Variants in SLCO5A1 observed in about 807,000 individuals in gnomAD.
The protein encoded by SLCO5A1 is organic anion transporter polypeptide-related protein 4.
Under a neutral mutation model 65.1 loss-of-function variants are expected in SLCO5A1, and 39 were observed. That is an observed-to-expected ratio of 0.60 (90% CI 0.46 to 0.78). The LOEUF is 0.78. SLCO5A1 is among the 30% of genes least tolerant of loss of function. The probability of loss-of-function intolerance (pLI) is 0.00; values close to 1 mark genes in which losing one functional copy is unlikely to be tolerated. For missense variants in SLCO5A1, 1,029 were observed against 1,069.4 expected, an observed-to-expected ratio of 0.96 and a Z score of 0.53; for synonymous variants, 438 against 415.7, an observed-to-expected ratio of 1.05 and a Z score of -0.65.
chr8:69,692,119 G>A (rs759452438), intron 6 of SLCO5A1, among the ~76,000 whole-genome samples: 14 of 152,134 alleles, frequency 9.2e-5, no homozygotes, highest in Non-Finnish European at 1.8e-4. Context: ...TGTGGTGGCG[G>A]GCGCCTGTAA....
In SLCO5A1 at chr8:69,738,161, G is replaced by A. The variant is rs759742123; in HGVS notation, c.1302C>T (p.Phe434=). 2 of 1,613,492 alleles carry A rather than the reference G, an allele frequency of 1.2e-6. No homozygotes were observed. The highest frequency in any genetic ancestry group is 1.7e-6 in the Non-Finnish European group (2 of 1,179,668). The change falls in exon 5 of 10, where the codon TTC becomes TTT. Residue 434 remains phenylalanine, a synonymous_variant. Transcript: ENST00000260126. ...CTGTGTATGACAAACTCACAAAAAG[G>A]AATGTCATGTTGCTTAAGATCCTGA... The part of the protein sequence containing the change: ...AAVRILSNMT[F]LFVSLSYTAE...
intron 2 of SLCO5A1, among the ~76,000 whole-genome samples, chr8:69,823,955 A>C (rs1455181295): frequency 1.3e-5 from 2 of 152,220 alleles, no homozygotes; most frequent in Non-Finnish European, 2.9e-5. Flanking sequence ...TCAAACTAGA[A>C]CTCAGGATTA....
At chr8:69,814,486 GTCAGAACAGCTATTA>G (rs1396979895) in intron 2 of SLCO5A1, among the ~76,000 whole-genome samples, 1 of 152,244 alleles carries the variant, frequency 6.6e-6, no homozygotes, top group Non-Finnish European at 1.5e-5. Context: ...ACTCACACCT[GTCAGAACAGCTATTA>G]TCATCAAGTT....
intron 3 of SLCO5A1, among the ~76,000 whole-genome samples, chr8:69,758,617 G>T (rs998203656): frequency 6.6e-6 from 1 of 152,060 alleles, no homozygotes; most frequent in Non-Finnish European, 1.5e-5. Flanking sequence ...GAGAAATACA[G>T]CAAATAAACA....
At position 69,832,874 on chromosome 8, in the gene SLCO5A1, C is replaced by T; in HGVS notation, c.-201G>A. 1.6e-6 allele frequency: 1 copy of T among 627,142 alleles called. No individual in the cohort carries two copies. Among genetic ancestry groups the T allele is most frequent in the Admixed American group, 3.3e-5 (1 of 30,644 alleles). 38.8% of individuals were successfully genotyped at this position (627,142 alleles called of 1,614,324 possible). ...CCTGATCACAGACACGGCTTCAAGG[C>T]TCCGCAGCCGCGTGCCACAGGGGGC... On this transcript the variant is annotated 5_prime_UTR_variant, in exon 2 of 10. Coordinates refer to ENST00000260126, the MANE Select transcript of SLCO5A1 (RefSeq NM_030958.3). This position sits in a 1 kb window ranked among gnomAD's most constrained non-coding sequence, Gnocchi z 4.5.
intron 5 of SLCO5A1, among the ~76,000 whole-genome samples, chr8:69,732,415 C>G (rs1339021520): frequency 6.6e-6 from 1 of 152,156 alleles, no homozygotes; most frequent in African/African-American, 2.4e-5. Flanking sequence ...GCTGAAAGAT[C>G]ACAGTGCTCT....
chr8:69,750,436 C>T (rs1289856625), intron 4 of SLCO5A1, among the ~76,000 whole-genome samples: 1 of 152,100 alleles, frequency 6.6e-6, no homozygotes, highest in Non-Finnish European at 1.5e-5. Flanking sequence ...CCCCATTCCC[C>T]GTTAGAAAAG....
intron 5 of SLCO5A1, among the ~76,000 whole-genome samples, chr8:69,707,968 A>G (rs894377082): frequency 6.6e-6 from 1 of 152,222 alleles, no homozygotes; most frequent in African/African-American, 2.4e-5. Context: ...ATCAACAAAG[A>G]GCTGGCTGGG....
chr8:69,684,233 G>GC (rs561564644), intron 6 of SLCO5A1, among the ~76,000 whole-genome samples: 135 of 152,088 alleles, frequency 8.9e-4, no homozygotes, highest in Non-Finnish European at 1.5e-3. Context: ...GGTCAATTTT[G>GC]CCCCCCCAGG....
intron 4 of SLCO5A1, among the ~76,000 whole-genome samples, chr8:69,753,642 A>G (rs924009386): frequency 2.6e-5 from 4 of 152,176 alleles, no homozygotes; most frequent in African/African-American, 7.2e-5. Context: ...ACCCTAAGCT[A>G]TAAAACATAT....
At chr8:69,679,171 C>T (rs747755960) in intron 8 of SLCO5A1, among the ~76,000 whole-genome samples, 4 of 152,198 alleles carry the variant, frequency 2.6e-5, no homozygotes, top group Non-Finnish European at 4.4e-5. Flanking sequence ...AAAGAACTTT[C>T]CAAAGTATGA....
chr8:69,745,530 T>G (rs968724867), intron 4 of SLCO5A1, among the ~76,000 whole-genome samples: 1 of 152,200 alleles, frequency 6.6e-6, no homozygotes, highest in African/African-American at 2.4e-5. Context: ...TACCCCAAAA[T>G]GTACATTTCT....
chr8:69,727,816 G>A (rs369279191), intron 5 of SLCO5A1, among the ~76,000 whole-genome samples: 2 of 152,332 alleles, frequency 1.3e-5, no homozygotes, highest in Non-Finnish European at 2.9e-5. Flanking sequence ...AGGAAAGAGC[G>A]TGGGAAGGAT....
At chr8:69,817,498 T>C (rs1267858258) in intron 2 of SLCO5A1, among the ~76,000 whole-genome samples, 2 of 152,246 alleles carry the variant, frequency 1.3e-5, no homozygotes, top group Non-Finnish European at 2.9e-5. Context: ...TTTGGATCTA[T>C]ACCAGAATTG....
chr8:69,759,342 T>C (rs1381586249), intron 3 of SLCO5A1, among the ~76,000 whole-genome samples: 1 of 152,200 alleles, frequency 6.6e-6, no homozygotes, highest in Non-Finnish European at 1.5e-5. Flanking sequence ...TTATCATGTA[T>C]AGAACTAACA....
At chr8:69,786,167 A>G (rs1238429290) in intron 2 of SLCO5A1, among the ~76,000 whole-genome samples, 1 of 152,218 alleles carries the variant, frequency 6.6e-6, no homozygotes, top group Non-Finnish European at 1.5e-5. Flanking sequence ...GTATATAAAA[A>G]TGTCAACTGT....
chr8:69,676,689 A>G lies in SLCO5A1; in HGVS notation c.2025-16T>C, dbSNP rs1340626106. 1 of 1,605,904 alleles carries G rather than the reference A, an allele frequency of 6.2e-7. No homozygotes were observed. The highest frequency in any genetic ancestry group is 8.5e-7 in the Non-Finnish European group (1 of 1,175,256). On this transcript the variant is annotated splice_polypyrimidine_tract_variant and intron_variant, in intron 8 of 9. Transcript: ENST00000260126. ...TTCTACGGACCTACAGTGAAGGGAA[A>G]GAAGGAAATGCATTTTAAATAGTAG...
chr8:69,786,322 T>C (rs772262540), intron 2 of SLCO5A1, among the ~76,000 whole-genome samples: 11 of 152,350 alleles, frequency 7.2e-5, no homozygotes, highest in Non-Finnish European at 1.3e-4. Flanking sequence ...TACAGATTTA[T>C]CATGATCTTA....
chr8:69,696,742 T>A (rs1814514200), intron 6 of SLCO5A1, among the ~76,000 whole-genome samples: 1 of 152,148 alleles, frequency 6.6e-6, no homozygotes, highest in South Asian at 2.1e-4. Flanking sequence ...AAAAACTGAT[T>A]CTTTAAAACA....
Sources: gnomAD v4.1 joint callset for allele counts (sites outside exome capture counted in the v4.1 genomes callset) on GRCh38, gnomAD v4.1.1 for gene constraint, Gnocchi (gnomAD v3.1) non-coding constraint, MANE v1.5 for transcripts, NCBI Gene and HGNC (gene_info 2026-07-23, HGNC 2026-07-21) for gene names.